The following RFC4 variants were observed in gnomAD, a reference collection of about 807,000 sequenced individuals.
The protein encoded by RFC4 is A1 37 kDa subunit.
RFC4 carries 38 observed loss-of-function variants against 47.6 expected under a neutral mutation model. The observed-to-expected ratio is 0.80, with a 90% confidence interval of 0.62 to 1.05. RFC4 has a LOEUF of 1.05. Ranked by LOEUF, RFC4 falls within the 50% of genes least tolerant of loss-of-function variation. RFC4 has a pLI of 0.00. For missense variants in RFC4, 489 were observed against 434.0 expected (o/e 1.13, Z -1.13); for synonymous variants, 164 against 150.0 (o/e 1.09, Z -0.68).
rs762949184 is a variant in RFC4, at chr3:186,804,743, GA to G, written c.-11-20del. ...CTTCACCCTGGTCAGGTGCAAGACA[GA>G]AAAAAAAAGCTTTTATTGAAACTTT... On this transcript the variant is annotated intron_variant, in intron 1 of 10. Transcript: ENST00000296273. 3.3e-5 allele frequency: 51 copies of G among 1,552,504 alleles called. No individual in the cohort carries two copies. In the Admixed American group the frequency reaches 3.4e-4, roughly 10 times the overall value.
intron 3 of RFC4, among the ~76,000 whole-genome samples, chr3:186,799,193 T>C (rs1304443106): frequency 6.6e-6 from 1 of 152,238 alleles, no homozygotes; most frequent in Non-Finnish European, 1.5e-5. Context: ...ACCTTAATTA[T>C]ACACTAGTCT....
chr3:186,790,489 G>T, intron 8 of RFC4, 83 bp from the exon 9 acceptor site: 1 of 939,738 alleles, frequency 1.1e-6, no homozygotes. Context: ...CGTGCCCCCA[G>T]TCATTTCTGT....
At chr3:186,790,557 AG>A (rs1283676663) in intron 8 of RFC4, 151 bp from the exon 9 acceptor site, 4 of 655,632 alleles carry the variant, frequency 6.1e-6, no homozygotes, top group Non-Finnish European at 1.1e-5. Flanking sequence ...AAAGGGCCAG[AG>A]TAACTCCAGT....
chr3:186,803,236 G>A (rs1443562422), intron 2 of RFC4, among the ~76,000 whole-genome samples: 1 of 151,810 alleles, frequency 6.6e-6, no homozygotes, highest in East Asian at 1.9e-4. Flanking sequence ...CCAGCTACTC[G>A]GGAGGCTGAG....
rs1448981039 is a variant in RFC4, at chr3:186,794,658, T to G, written c.410A>C (p.Asp137Ala). The change falls in exon 5 of 11, where the codon GAT becomes GCT. Residue 137 changes from aspartate to alanine, a missense_variant and splice_region_variant. This residue lies in a region of RFC4 where 206 missense variants were observed against 257.8 expected (regional missense o/e 0.80). Transcript: ENST00000296273. ...AQLTVSGSRS[D>A]GKPCPPFKIV... ...GAGGAGGGAGGGCAAATTTACTTAC[T>G]CTGAGCGACTTCCTGACACAGTTAA... 2 of 1,613,364 alleles carry G rather than the reference T, an allele frequency of 1.2e-6. No individual in the cohort carries two copies. The highest frequency in any genetic ancestry group is 1.1e-5 in the South Asian group (1 of 90,866).
At chr3:186,795,892 G>A (rs1329088689) in intron 4 of RFC4, among the ~76,000 whole-genome samples, 1 of 152,174 alleles carries the variant, frequency 6.6e-6, no homozygotes, top group Non-Finnish European at 1.5e-5. Flanking sequence ...TAAAACATGA[G>A]CAGGTTTTTA....
chr3:186,793,847 C>T lies in RFC4; in HGVS notation c.410+811G>A, dbSNP rs1722190986. Among the ~76,000 whole-genome samples the T allele has an allele frequency of 6.6e-6, 1 of 151,958 alleles. No individual in the cohort carries two copies. Among genetic ancestry groups the T allele is most frequent in the African/African-American group, 2.4e-5 (1 of 41,340 alleles). ...ACGCCATACTCCTGCCTCAGCCTCC[C>T]GAGTAGCTGGGACTACAGGCGCCCG... is the stretch of plus-strand genomic sequence containing the variant. On this transcript the variant is annotated intron_variant, in intron 5 of 10. Coordinates refer to ENST00000296273, the MANE Select transcript of RFC4 (RefSeq NM_002916.5). This position sits in a 1 kb window ranked among gnomAD's most constrained non-coding sequence, Gnocchi z 4.2.
rs200551222 is a variant in RFC4, at chr3:186,797,652, C to G, written c.211-38G>C. On this transcript the variant is annotated intron_variant, in intron 3 of 10. Coordinates refer to ENST00000296273, the MANE Select transcript of RFC4 (RefSeq NM_002916.5). The stretch of plus-strand genomic sequence containing the variant: ...AATTTTATTTTTAATAAATGGTATT[C>G]TGGCACAAATAGATGAAAAGGAAGA... 7.8e-6 allele frequency: 11 copies of G among 1,404,288 alleles called. No homozygotes were observed. The East Asian group carries it at 2.5e-4, about 32-fold the overall frequency. 87.0% of individuals were successfully genotyped at this position (1,404,288 alleles called of 1,614,324 possible). A position where few individuals can be genotyped will look rare whatever the true frequency, so the allele number is the denominator to read the frequency against.
intron 1 of RFC4, among the ~76,000 whole-genome samples, chr3:186,805,204 G>C (rs1387872030): frequency 6.6e-6 from 1 of 152,084 alleles, no homozygotes; most frequent in East Asian, 1.9e-4. Flanking sequence ...CCTTGGGTCA[G>C]AACTCAAAGA....
At chr3:186,800,082 A>G (rs1215447189) in intron 3 of RFC4, among the ~76,000 whole-genome samples, 1 of 151,982 alleles carries the variant, frequency 6.6e-6, no homozygotes, top group Non-Finnish European at 1.5e-5. Context: ...TAGCCTCCTG[A>G]GTAGCTGGGA....
chr3:186,790,445 G>T, intron 8 of RFC4, 39 bp from the exon 9 acceptor site: 1 of 1,419,088 alleles, frequency 7.0e-7, no homozygotes, highest in Non-Finnish European at 1.0e-6. Flanking sequence ...ATGTTTCTAG[G>T]TGAGACTAGA....
intron 2 of RFC4, among the ~76,000 whole-genome samples, chr3:186,804,156 C>T (rs1161443948): frequency 6.6e-6 from 1 of 152,048 alleles, no homozygotes; most frequent in Non-Finnish European, 1.5e-5. Flanking sequence ...GCACGCCAGC[C>T]TGGGCAACAG....
At chr3:186,791,566 T>C (rs1579176335) in intron 8 of RFC4, 159 bp downstream of exon 8, 1 of 710,804 alleles carries the variant, frequency 1.4e-6, no homozygotes, top group South Asian at 1.5e-5. Flanking sequence ...CAGTGCTATC[T>C]CCTCACCTCA....
intron 2 of RFC4, among the ~76,000 whole-genome samples, chr3:186,802,907 G>A (rs1299350468): frequency 6.6e-6 from 1 of 152,130 alleles, no homozygotes; most frequent in Non-Finnish European, 1.5e-5. Context: ...AAAAGGAGAA[G>A]CAGTACACAA....
intron 4 of RFC4, among the ~76,000 whole-genome samples, chr3:186,797,239 G>A (rs748194800): frequency 6.6e-6 from 1 of 152,208 alleles, no homozygotes; most frequent in Non-Finnish European, 1.5e-5. Flanking sequence ...TGGACATTAA[G>A]TTGGGCCCTC....
Position 186,804,464 on chromosome 3 carries a change from A to G in RFC4, c.131+119T>C, listed in dbSNP as rs1579185036. 7 of 1,030,162 alleles carry G rather than the reference A, an allele frequency of 6.8e-6. No homozygotes were observed. The South Asian group carries it at 1.4e-4, about 21-fold the overall frequency. The allele number at this position is 1,030,162 out of a possible 1,614,324, so 63.8% of individuals were successfully genotyped here. On this transcript the variant is annotated intron_variant, in intron 2 of 10. Coordinates refer to ENST00000296273, the MANE Select transcript of RFC4 (RefSeq NM_002916.5). ...TATATAAGTGGGTGATTTTTTTTCA[A>G]AGACAACTTCTAAACAGAACAAAGC...
intron 3 of RFC4, among the ~76,000 whole-genome samples, chr3:186,798,098 G>A (rs1722278681): frequency 6.6e-6 from 1 of 152,120 alleles, no homozygotes; most frequent in East Asian, 1.9e-4. Context: ...TGGATGAGCA[G>A]AAGTACCAAG....
chr3:186,801,959 G>C (rs1426550711), intron 2 of RFC4, among the ~76,000 whole-genome samples: 1 of 145,820 alleles, frequency 6.9e-6, no homozygotes, highest in Admixed American at 7.1e-5. Flanking sequence ...GGAGGCAGAG[G>C]TTGTGGTGAG....
rs897710064 is a variant in RFC4, at chr3:186,793,495, A to G, written c.411-548T>C. 2.6e-5 allele frequency among the ~76,000 whole-genome samples: 4 copies of G among 152,212 alleles called. No individual in the cohort carries two copies. The highest frequency in any genetic ancestry group is 9.7e-5 in the African/African-American group (4 of 41,448). On this transcript the variant is annotated intron_variant, in intron 5 of 10. Transcript: ENST00000296273. The surrounding 1 kb of genome is among the most constrained non-coding windows in gnomAD (Gnocchi z 4.2). ...TGTTTTTGAGCAGACATGTCTTCCAAGAGGCTGTACCATTTTACATTCCAA... is the reference window on the plus strand; with the variant it reads ...TGTTTTTGAGCAGACATGTCTTCCAGGAGGCTGTACCATTTTACATTCCAA...
Sources: gnomAD v4.1 joint callset for allele counts (sites outside exome capture counted in the v4.1 genomes callset) on GRCh38, gnomAD v4.1.1 for gene constraint, gnomAD v4.1.1 regional missense constraint, Gnocchi (gnomAD v3.1) non-coding constraint, MANE v1.5 for transcripts, NCBI Gene and HGNC (gene_info 2026-07-23, HGNC 2026-07-21) for gene names.